The following CCDC171 variants were observed in gnomAD, a reference collection of about 807,000 sequenced individuals.
CCDC171 encodes the protein coiled-coil domain containing 171.
In CCDC171, 177 loss-of-function variants were observed where a neutral mutation model predicts 168.2. The ratio of observed to expected loss-of-function variants is 1.05; its 90% CI spans 0.93 to 1.19. The LOEUF (loss-of-function observed/expected upper bound fraction) is 1.19, where lower values mean the gene tolerates loss of function less well. CCDC171 is among the 50% of genes most tolerant of loss of function. CCDC171 has a pLI of 0.00. For missense variants in CCDC171, 1,991 were observed against 1,539.0 expected, an observed-to-expected ratio of 1.29 and a Z score of -4.91; for synonymous variants, 687 against 540.8, an observed-to-expected ratio of 1.27 and a Z score of -3.75.
intron 24 of CCDC171, among the ~76,000 whole-genome samples, chr9:15,876,606 G>A: frequency 6.6e-6 from 1 of 152,028 alleles, no homozygotes; most frequent in South Asian, 2.1e-4. Context: ...CATGGTAAGA[G>A]TAAAACCTTA....
At chr9:16,072,746 C>T in the CCDC171 span, among the ~76,000 whole-genome samples, 3 of 152,128 alleles carry the variant, frequency 2.0e-5, 1 homozygote. Flanking sequence ...ATTCCCCTTT[C>T]CTTCTCGTCC....
chr9:15,623,405 G>T lies in CCDC171; in HGVS notation c.814G>T (p.Glu272Ter). 1 of 1,583,700 alleles carries T rather than the reference G, an allele frequency of 6.3e-7. No homozygotes were observed. The change falls in exon 7 of 26, where the codon GAA becomes TAA. Residue 272 changes from glutamate to a stop codon, truncating the protein, a stop_gained. Coordinates refer to ENST00000380701, the MANE Select transcript of CCDC171 (RefSeq NM_173550.4). LOFTEE classifies it high-confidence loss of function. ...STQREERLRKEFEATTLRVRK... is the reference protein window; with the variant it reads ...STQREERLRK The stretch of plus-strand genomic sequence containing the variant: ...TCAACGAGAGGAACGCCTTAGAAAA[G>T]AATTTGAGGTACATTTTCTCATTCC...
chr9:15,804,129 G>T (rs1563766397), intron 21 of CCDC171, among the ~76,000 whole-genome samples: 1 of 152,050 alleles, frequency 6.6e-6, no homozygotes, highest in Non-Finnish European at 1.5e-5. Context: ...GAAGCTTTTG[G>T]GCTGTGATGA....
chr9:15,965,985 A>G (rs1830754322), intron 25 of CCDC171, among the ~76,000 whole-genome samples: 1 of 152,230 alleles, frequency 6.6e-6, no homozygotes, highest in East Asian at 1.9e-4. Context: ...GAGTAATAAT[A>G]TAAGTCGTTT....
chr9:15,587,770 C>T, intron 4 of CCDC171: 2 of 364,516 alleles, frequency 5.5e-6, no homozygotes, highest in South Asian at 2.1e-5. Context: ...CAAGAGTTAC[C>T]AGATATATGA....
chr9:15,967,039 A>C (rs149580147), intron 25 of CCDC171, among the ~76,000 whole-genome samples: 6 of 152,204 alleles, frequency 3.9e-5, no homozygotes, highest in African/African-American at 9.6e-5. Flanking sequence ...AGAGAAAACT[A>C]TGTGATTTTT....
intron 3 of CCDC171, among the ~76,000 whole-genome samples, chr9:15,988,788 G>A (rs933176433): frequency 5.3e-5 from 8 of 152,162 alleles, no homozygotes; most frequent in African/African-American, 7.2e-5. Flanking sequence ...TATATCCCGC[G>A]CCTGGCTCGG....
At chr9:16,078,085 C>T in the CCDC171 span, among the ~76,000 whole-genome samples, 1 of 141,554 alleles carries the variant, frequency 7.1e-6, no homozygotes, top group Non-Finnish European at 1.5e-5. Flanking sequence ...CACACACACA[C>T]ACACACACAC....
At chr9:15,778,110 A>G (rs2057433871) in intron 19 of CCDC171, among the ~76,000 whole-genome samples, 1 of 149,104 alleles carries the variant, frequency 6.7e-6, no homozygotes, top group Admixed American at 6.7e-5. Context: ...ATCCTGGCTA[A>G]CAAGGTGAAA....
chr9:15,993,045 A>G (rs1187873190), intron 3 of CCDC171, among the ~76,000 whole-genome samples: 1 of 152,216 alleles, frequency 6.6e-6, no homozygotes, highest in Non-Finnish European at 1.5e-5. Flanking sequence ...ATTCAGTGCT[A>G]TCCCCATCAA....
chr9:15,627,513 T>C (rs537160730), intron 7 of CCDC171, among the ~76,000 whole-genome samples: 1 of 152,332 alleles, frequency 6.6e-6, no homozygotes, highest in South Asian at 2.1e-4. Context: ...GTCTGGTATG[T>C]TGTGTCTTTG....
chr9:15,643,708 G>T (rs1388467380), intron 7 of CCDC171, among the ~76,000 whole-genome samples: 1 of 152,048 alleles, frequency 6.6e-6, no homozygotes, highest in African/African-American at 2.4e-5. Context: ...ATATACATTA[G>T]CAGCTACTGC....
At position 16,006,988 on chromosome 9, in the gene CCDC171, A is replaced by T. The variant is rs1832718362; in HGVS notation, n.369-13601A>T. ...GGTCAGTTGGTATTTCTAGTTCTAG[A>T]TCCCTGAGGAATCGCCACACTGACT... On this transcript the variant is annotated intron_variant and non_coding_transcript_variant, in intron 3 of 9. Coordinates refer to the CCDC171 transcript ENST00000486641. Among the ~76,000 whole-genome samples the T allele has an allele frequency of 2.0e-5, 3 of 152,138 alleles. No individual in the cohort carries two copies. The South Asian group carries it at 6.2e-4, about 31-fold the overall frequency.
chr9:15,725,541 C>G (rs2053746334), intron 14 of CCDC171, among the ~76,000 whole-genome samples: 1 of 152,060 alleles, frequency 6.6e-6, no homozygotes, highest in East Asian at 1.9e-4. Flanking sequence ...CCTCCACCTC[C>G]CAGGTTCAAG....
At chr9:16,077,903 T>C in the CCDC171 span, among the ~76,000 whole-genome samples, 2 of 152,198 alleles carry the variant, frequency 1.3e-5, no homozygotes, top group Admixed American at 1.3e-4. Flanking sequence ...ACTGTTGCTT[T>C]CTGTGGGAAG....
At chr9:15,560,058 C>G (rs1449546519) in intron 1 of CCDC171, among the ~76,000 whole-genome samples, 1 of 152,084 alleles carries the variant, frequency 6.6e-6, no homozygotes, top group Non-Finnish European at 1.5e-5. Flanking sequence ...TGAATATTGG[C>G]CCTCACTCTC....
At chr9:16,032,430 C>T (rs1222939258) in intron 6 of CCDC171, among the ~76,000 whole-genome samples, 1 of 152,044 alleles carries the variant, frequency 6.6e-6, no homozygotes, top group Non-Finnish European at 1.5e-5. Flanking sequence ...GGTCACTGGC[C>T]ATGCACGAGA....
chr9:15,918,929 G>T (rs1824931409), intron 24 of CCDC171, among the ~76,000 whole-genome samples: 1 of 151,506 alleles, frequency 6.6e-6, no homozygotes, highest in Admixed American at 6.6e-5. Context: ...CTTCAAAGCA[G>T]TCATTAATTC....
chr9:16,074,046 G>A, the CCDC171 span, among the ~76,000 whole-genome samples: 1 of 152,114 alleles, frequency 6.6e-6, no homozygotes, highest in Non-Finnish European at 1.5e-5. Context: ...TGTGGGGTAG[G>A]TCAGTTGCTT....
Sources: allele counts gnomAD v4.1 joint callset (sites outside exome capture counted in the v4.1 genomes callset), GRCh38; gene constraint gnomAD v4.1.1; transcripts MANE v1.5; gene names NCBI Gene and HGNC (gene_info 2026-07-23, HGNC 2026-07-21).